DCAF1: variants seen among roughly 807,000 people sequenced by gnomAD.
DCAF1 encodes the protein DDB1- and CUL4-associated factor 1.
In DCAF1, 15 loss-of-function variants were observed where a neutral mutation model predicts 128.0. The ratio of observed to expected loss-of-function variants is 0.12; its 90% CI spans 0.08 to 0.18. The LOEUF is 0.18. Among genes scored for constraint, DCAF1 ranks in the 10% least tolerant of loss-of-function variants. The probability of loss-of-function intolerance (pLI) is 1.00; values close to 1 mark genes in which losing one functional copy is unlikely to be tolerated. For missense variants in DCAF1, 988 were observed against 1,649.5 expected (o/e 0.60, Z 6.95); for synonymous variants, 610 against 603.0 (o/e 1.01, Z -0.17).
At chr3:51,467,081 C>T (rs565849078) in intron 4 of DCAF1, among the ~76,000 whole-genome samples, 2 of 152,296 alleles carry the variant, frequency 1.3e-5, no homozygotes, top group African/African-American at 4.8e-5. Flanking sequence ...TGCCTGTAAT[C>T]CCAGCACTTT....
intron 9 of DCAF1, among the ~76,000 whole-genome samples, chr3:51,434,292 C>T (rs1003422888): frequency 6.6e-6 from 1 of 151,908 alleles, no homozygotes; most frequent in Non-Finnish European, 1.5e-5. Context: ...GTCCCAGTTA[C>T]TCAGGACGGT....
chr3:51,469,396 A>C (rs1315867600), intron 4 of DCAF1, among the ~76,000 whole-genome samples: 10 of 151,698 alleles, frequency 6.6e-5, no homozygotes, highest in African/African-American at 2.4e-4. Flanking sequence ...ATGTCTGGCT[A>C]ATTTTGTATA....
chr3:51,459,434 A>G (rs1703295511), intron 6 of DCAF1, among the ~76,000 whole-genome samples: 1 of 152,100 alleles, frequency 6.6e-6, no homozygotes, highest in Non-Finnish European at 1.5e-5. Context: ...CAACCAAAAA[A>G]AGTCCAGGAC....
At position 51,445,143 on chromosome 3, in the gene DCAF1, A is replaced by T. The variant is rs1459879353; in HGVS notation, c.376-1240T>A. Reference sequence around the variant, plus strand: ...AAAATAAAAATAAATAATACATTAAATTTTTTTTACCTTTTCCAGATCACA... The same window carrying T: ...AAAATAAAAATAAATAATACATTAATTTTTTTTTACCTTTTCCAGATCACA... On this transcript the variant is annotated intron_variant, in intron 6 of 24. Coordinates refer to ENST00000684031, the MANE Select transcript of DCAF1 (RefSeq NM_001387579.1). 2.6e-5 allele frequency among the ~76,000 whole-genome samples: 4 copies of T among 152,006 alleles called. No homozygotes were observed. The East Asian group carries it at 5.8e-4, about 22-fold the overall frequency.
At chr3:51,471,850 C>T (rs1255272040) in intron 3 of DCAF1, among the ~76,000 whole-genome samples, 6 of 151,802 alleles carry the variant, frequency 4.0e-5, no homozygotes, top group African/African-American at 1.5e-4. Flanking sequence ...GCCCGGGCAA[C>T]AAGAGTGAAA....
Position 51,464,670 on chromosome 3 carries a change from T to G in DCAF1, c.262-1443A>C, listed in dbSNP as rs539121388. Among the ~76,000 whole-genome samples the G allele has an allele frequency of 4.2e-3, 632 of 148,900 alleles. 6 individuals are homozygous for G. The highest frequency in any genetic ancestry group is 7.0e-3 in the Non-Finnish European group (474 of 67,464). ...TCGTACTAATGCACTCAGCGTGAGA[T>G]GCTGTCTTAAAAAAAAAAAAAAAGA... On this transcript the variant is annotated intron_variant, in intron 5 of 24. Transcript: ENST00000684031.
At chr3:51,456,413 G>A (rs972489958) in intron 6 of DCAF1, among the ~76,000 whole-genome samples, 5 of 152,202 alleles carry the variant, frequency 3.3e-5, no homozygotes, top group Admixed American at 6.5e-5. Flanking sequence ...AAAGCAGCCC[G>A]GAAGCTCAAA....
intron 6 of DCAF1, among the ~76,000 whole-genome samples, chr3:51,444,879 G>T (rs989833967): frequency 6.7e-6 from 1 of 150,184 alleles, no homozygotes; most frequent in Non-Finnish European, 1.5e-5. Context: ...GTTTCACCGT[G>T]TTAGCCAGGA....
chr3:51,403,472 A>C, intron 23 of DCAF1, 77 bp from the exon 24 acceptor site: 2 of 1,518,998 alleles, frequency 1.3e-6, no homozygotes, highest in Non-Finnish European at 1.8e-6. Context: ...GGTCGACCAA[A>C]GAGACAGGGT....
At chr3:51,475,751 C>G (rs1553650308) in intron 3 of DCAF1, among the ~76,000 whole-genome samples, 1 of 152,198 alleles carries the variant, frequency 6.6e-6, no homozygotes, top group Non-Finnish European at 1.5e-5. Flanking sequence ...GTCCCAGCTA[C>G]TCAGGAGGCT....
intron 23 of DCAF1, among the ~76,000 whole-genome samples, chr3:51,408,488 A>T (rs1426434563): frequency 6.6e-6 from 1 of 152,258 alleles, no homozygotes; most frequent in African/African-American, 2.4e-5. Flanking sequence ...TAGGAAAATG[A>T]AAAGTCTCTA....
chr3:51,439,338 A>G (rs1220808320), intron 9 of DCAF1, among the ~76,000 whole-genome samples: 3 of 150,950 alleles, frequency 2.0e-5, no homozygotes, highest in Non-Finnish European at 4.4e-5. Flanking sequence ...ATGTTGACTA[A>G]GCTGGTCTCA....
At chr3:51,475,674 A>G (rs1333750717) in intron 3 of DCAF1, among the ~76,000 whole-genome samples, 8 of 152,206 alleles carry the variant, frequency 5.3e-5, no homozygotes, top group Non-Finnish European at 1.2e-4. Flanking sequence ...ATCCTGGCTA[A>G]CACGGCGAAA....
chr3:51,419,408 T>C (rs937846996), intron 15 of DCAF1, among the ~76,000 whole-genome samples: 2 of 151,996 alleles, frequency 1.3e-5, no homozygotes, highest in Non-Finnish European at 2.9e-5. Flanking sequence ...CCGTAACCTT[T>C]ATGTAAGATT....
downstream of DCAF1, chr3:51,397,580 CA>C (rs1235189353): frequency 6.0e-6 from 1 of 167,124 alleles, no homozygotes; most frequent in Non-Finnish European, 1.5e-5. Context: ...CAGAACATGA[CA>C]ACAGAGAGCT....
rs561682587 is a variant in DCAF1 at position 51,484,846 on chromosome 3, C to T, written c.-8-1010G>A. On this transcript the variant is annotated intron_variant, in intron 2 of 24. Transcript: ENST00000684031. ...TACAGGCGCCCGCCACCATGCCTGG[C>T]TAATTTTTGTACATTTAGTAGAGAC... 1.1e-4 allele frequency among the ~76,000 whole-genome samples: 16 copies of T among 151,080 alleles called. No homozygotes were observed. In the South Asian group the frequency reaches 2.3e-3, roughly 22 times the overall value.
At chr3:51,504,342 G>A (rs184868759), upstream of DCAF1, among the ~76,000 whole-genome samples, 1 of 151,458 alleles carries the variant, frequency 6.6e-6, no homozygotes, top group East Asian at 2.0e-4. Flanking sequence ...GGCAACCCCT[G>A]AACTTTTATT....
At chr3:51,413,532 A>G in intron 20 of DCAF1, 146 bp from the exon 21 acceptor site, 1 of 1,329,190 alleles carries the variant, frequency 7.5e-7, no homozygotes, top group Non-Finnish European at 1.0e-6. Flanking sequence ...TCTACTCTGC[A>G]TCTAGTTAGC....
At chr3:51,499,458 G>A (rs1238173216) in intron 1 of DCAF1, among the ~76,000 whole-genome samples, 2 of 152,192 alleles carry the variant, frequency 1.3e-5, no homozygotes, top group African/African-American at 4.8e-5. Context: ...GTCCGGGAAG[G>A]GGCCCGCCGT....
Sources: gnomAD v4.1 joint callset for allele counts (sites outside exome capture counted in the v4.1 genomes callset) on GRCh38, gnomAD v4.1.1 for gene constraint, MANE v1.5 for transcripts, NCBI Gene and HGNC (gene_info 2026-07-23, HGNC 2026-07-21) for gene names.